The following EYA1 variants were observed in gnomAD, a reference collection of about 807,000 sequenced individuals.
The protein encoded by EYA1 is protein phosphatase EYA1.
Under a neutral mutation model 82.0 loss-of-function variants are expected in EYA1, and 16 were observed. The ratio of observed to expected loss-of-function variants is 0.20; its 90% CI spans 0.13 to 0.30. The LOEUF is 0.30. Ranked by LOEUF, EYA1 falls within the 10% of genes least tolerant of loss-of-function variation. The probability of loss-of-function intolerance (pLI) is 1.00; values close to 1 mark genes in which losing one functional copy is unlikely to be tolerated. For synonymous variants in EYA1, 261 were observed against 264.4 expected, an observed-to-expected ratio of 0.99 and a Z score of 0.12; for missense variants, 633 against 730.7, an observed-to-expected ratio of 0.87 and a Z score of 1.54.
intron 2 of EYA1, among the ~76,000 whole-genome samples, chr8:71,450,233 CCTGT>C (rs1367027757): frequency 6.6e-6 from 1 of 152,170 alleles, no homozygotes; most frequent in East Asian, 1.9e-4. Context: ...CTACTTTTGG[CCTGT>C]CTTAGTTTTC....
At chr8:71,478,989 A>G (rs1809891142) in intron 2 of EYA1, among the ~76,000 whole-genome samples, 1 of 152,184 alleles carries the variant, frequency 6.6e-6, no homozygotes, top group Non-Finnish European at 1.5e-5. Context: ...AGGCAAAATG[A>G]CATGCTCCTC....
chr8:71,217,655 G>A (rs60728967), intron 12 of EYA1, among the ~76,000 whole-genome samples: 24,478 of 146,460 alleles, frequency 0.17, 3,015 homozygotes, highest in East Asian at 0.68. Context: ...TAAATAAAAA[G>A]TCAAACCATG....
chr8:71,497,698 T>C lies in EYA1; in HGVS notation c.33+38046A>G, dbSNP rs556563558. 3.3e-5 allele frequency among the ~76,000 whole-genome samples: 5 copies of C among 152,252 alleles called. No homozygotes were observed. The South Asian group carries it at 1.0e-3, about 32-fold the overall frequency. On this transcript the variant is annotated intron_variant, in intron 2 of 18. Transcript: ENST00000643681. ...ATTAAAAACAGAACTACCCTTTGATTCAGCAATCCAACCACCAGGTATTTA... is the reference window on the plus strand; with the variant it reads ...ATTAAAAACAGAACTACCCTTTGATCCAGCAATCCAACCACCAGGTATTTA...
At chr8:71,333,343 A>G (rs1824110116) in intron 4 of EYA1, among the ~76,000 whole-genome samples, 1 of 152,218 alleles carries the variant, frequency 6.6e-6, no homozygotes, top group Non-Finnish European at 1.5e-5. Context: ...TAAATCAATC[A>G]CAACTTTATG....
intron 17 of EYA1, among the ~76,000 whole-genome samples, chr8:71,201,154 A>G (rs776638362): frequency 2.7e-5 from 4 of 149,536 alleles, no homozygotes; most frequent in Non-Finnish European, 5.9e-5. Flanking sequence ...GTTATGATTT[A>G]TTGGATATTG....
At chr8:71,346,019 C>T (rs1043757801) in intron 3 of EYA1, among the ~76,000 whole-genome samples, 4 of 151,710 alleles carry the variant, frequency 2.6e-5, no homozygotes, top group South Asian at 2.1e-4. Flanking sequence ...CACACGTGCG[C>T]GCACACACAC....
chr8:71,469,296 A>G (rs1809006181), intron 2 of EYA1, among the ~76,000 whole-genome samples: 1 of 152,104 alleles, frequency 6.6e-6, no homozygotes, highest in Non-Finnish European at 1.5e-5. Context: ...GTGACTTCTT[A>G]AAATTGTGGG....
At chr8:71,523,451 T>A (rs564161518) in intron 2 of EYA1, among the ~76,000 whole-genome samples, 1 of 152,172 alleles carries the variant, frequency 6.6e-6, no homozygotes, top group African/African-American at 2.4e-5. Flanking sequence ...GTGCTGGGAT[T>A]ACAGGCGTGA....
intron 1 of EYA1, among the ~76,000 whole-genome samples, chr8:71,542,911 TC>T (rs574492672): frequency 7.7e-4 from 117 of 152,312 alleles, no homozygotes; most frequent in African/African-American, 2.7e-3. Context: ...GGGTTTTTTT[TC>T]TTGTAAATTT....
rs970027991 is a variant in EYA1 at position 71,285,627 on chromosome 8, C to T, written c.826+13420G>A. Among the ~76,000 whole-genome samples the T allele has an allele frequency of 1.3e-4, 20 of 152,322 alleles. 1 individual carries two copies. The highest frequency in any genetic ancestry group is 2.1e-4 in the South Asian group (1 of 4,828). ...AGAAGAAATGATAAAGAGGCATGTG[C>T]TCTTGGGAGACTACAGTTATATGAA... On this transcript the variant is annotated intron_variant, in intron 9 of 17. Transcript: ENST00000340726.
chr8:71,501,576 C>G (rs1563679226), intron 2 of EYA1, among the ~76,000 whole-genome samples: 1 of 152,170 alleles, frequency 6.6e-6, no homozygotes, highest in Non-Finnish European at 1.5e-5. Context: ...TATACTACAT[C>G]TACATAAAGA....
intron 2 of EYA1, among the ~76,000 whole-genome samples, chr8:71,452,403 A>G (rs1807464607): frequency 6.6e-6 from 1 of 152,228 alleles, no homozygotes; most frequent in South Asian, 2.1e-4. Context: ...TCCCTGTCTA[A>G]TAGCTTTGAA....
At chr8:71,402,037 G>A (rs1586641224) in intron 2 of EYA1, among the ~76,000 whole-genome samples, 1 of 152,082 alleles carries the variant, frequency 6.6e-6, no homozygotes, top group East Asian at 1.9e-4. Flanking sequence ...AATCTGTCTG[G>A]TACAAGTAAA....
chr8:71,259,693 C>T (rs1275530873), intron 11 of EYA1, among the ~76,000 whole-genome samples: 3 of 152,144 alleles, frequency 2.0e-5, no homozygotes, highest in East Asian at 1.9e-4. Context: ...AGATAGTTCA[C>T]GGTCTTTGGA....
At chr8:71,398,412 T>G (rs1159688282) in intron 2 of EYA1, among the ~76,000 whole-genome samples, 1 of 152,232 alleles carries the variant, frequency 6.6e-6, no homozygotes, top group Non-Finnish European at 1.5e-5. Flanking sequence ...CTCTGGTTTC[T>G]TCCCACCTTT....
chr8:71,335,988 A>T (rs1186152535), intron 3 of EYA1, among the ~76,000 whole-genome samples: 1 of 152,202 alleles, frequency 6.6e-6, no homozygotes, highest in Non-Finnish European at 1.5e-5. Context: ...TGTGTCAGTT[A>T]TTTATAGACA....
intron 2 of EYA1, among the ~76,000 whole-genome samples, chr8:71,452,319 C>A (rs1807457490): frequency 6.6e-6 from 1 of 152,200 alleles, no homozygotes; most frequent in Non-Finnish European, 1.5e-5. Flanking sequence ...GGCCTGCCTG[C>A]CTCTGTAGAC....
At chr8:71,362,475 C>T (rs1157175418), upstream of EYA1, among the ~76,000 whole-genome samples, 1 of 152,044 alleles carries the variant, frequency 6.6e-6, no homozygotes, top group African/African-American at 2.4e-5. Context: ...GGCCCTGAAA[C>T]TTAGGGAATC....
rs3837168 is a variant in EYA1 at position 71,335,798 on chromosome 8, A to AAC, written c.125-1626_125-1625dup. Reference sequence around the variant, plus strand: ...CCACATCATACCTTACCTCCTTAAAAACACACACACACACACACAAAACCT... The same window carrying AAC: ...CCACATCATACCTTACCTCCTTAAAAACACACACACACACACACACAAAACCT... On this transcript the variant is annotated intron_variant, in intron 3 of 17. Transcript: ENST00000340726. Among the ~76,000 whole-genome samples the AAC allele has an allele frequency of 4.7e-3, 709 of 150,652 alleles. 7 individuals are homozygous for AAC. Among genetic ancestry groups the AAC allele is most frequent in the East Asian group, 0.013 (67 of 5,136 alleles).
Sources: allele counts gnomAD v4.1 joint callset (sites outside exome capture counted in the v4.1 genomes callset), GRCh38; gene constraint gnomAD v4.1.1; transcripts MANE v1.5; gene names NCBI Gene and HGNC (gene_info 2026-07-23, HGNC 2026-07-21).